SV2C: variants seen among roughly 807,000 people sequenced by gnomAD.
SV2C encodes synaptic vesicle glycoprotein 2C, also known as solute carrier family 22 member B3.
Under a neutral mutation model 79.7 loss-of-function variants are expected in SV2C, and 49 were observed. The ratio of observed to expected loss-of-function variants is 0.61; its 90% CI spans 0.49 to 0.78. SV2C has a LOEUF of 0.78. Among genes scored for constraint, SV2C ranks in the 30% least tolerant of loss-of-function variants. The pLI is 0.00. For missense variants in SV2C, 833 were observed against 912.9 expected, an observed-to-expected ratio of 0.91 and a Z score of 1.13; for synonymous variants, 334 against 333.2, an observed-to-expected ratio of 1.00 and a Z score of -0.03.
chr5:76,298,425 C>A (rs1747849763), intron 9 of SV2C, among the ~76,000 whole-genome samples: 1 of 152,096 alleles, frequency 6.6e-6, no homozygotes, highest in Non-Finnish European at 1.5e-5. Context: ...AGAGAATATT[C>A]AAATAAAGAT....
chr5:75,912,591 A>G, the SV2C span, among the ~76,000 whole-genome samples: 1 of 152,248 alleles, frequency 6.6e-6, no homozygotes, highest in African/African-American at 2.4e-5. Flanking sequence ...TGGAGCAAGT[A>G]TAACTAGTAT....
At chr5:76,114,909 T>C (rs1580276796) in intron 1 of SV2C, among the ~76,000 whole-genome samples, 1 of 152,258 alleles carries the variant, frequency 6.6e-6, no homozygotes, top group East Asian at 1.9e-4. Flanking sequence ...TAAATTCAAG[T>C]AAACTAGCAT....
At chr5:75,867,631 T>G in the SV2C span, among the ~76,000 whole-genome samples, 2 of 152,172 alleles carry the variant, frequency 1.3e-5, no homozygotes. Flanking sequence ...AAAGCATACA[T>G]CTGTTATATT....
chr5:75,877,071 T>G, the SV2C span, among the ~76,000 whole-genome samples: 2 of 151,986 alleles, frequency 1.3e-5, no homozygotes, highest in African/African-American at 4.8e-5. Flanking sequence ...GATCGAAAGA[T>G]ACAATAGATT....
intron 4 of SV2C, among the ~76,000 whole-genome samples, chr5:76,230,068 C>T (rs904504781): frequency 6.6e-6 from 1 of 152,062 alleles, no homozygotes; most frequent in Non-Finnish European, 1.5e-5. Context: ...TGGGTATGCA[C>T]AAGGCAGGGC....
rs1258915422 is a variant in SV2C, at chr5:76,317,444, C to CCCA, written c.2001-7920_2001-7919insCCA. 2.5e-4 allele frequency among the ~76,000 whole-genome samples: 37 copies of CCCA among 150,112 alleles called. 1 individual carries two copies. Among genetic ancestry groups the CCCA allele is most frequent in the African/African-American group, 8.0e-4 (32 of 39,998 alleles). On this transcript the variant is annotated intron_variant, in intron 12 of 12. Transcript: ENST00000502798. ...AGACAAAAAGAACCACCCCCCCCAA[C>CCCA]ACACACACACATACACACACACACT...
chr5:76,272,358 G>A (rs531143954), intron 4 of SV2C, among the ~76,000 whole-genome samples: 8 of 152,290 alleles, frequency 5.3e-5, no homozygotes, highest in African/African-American at 1.9e-4. Context: ...AGCTTTTGTT[G>A]ATCATGAGCA....
At chr5:76,163,742 C>T (rs1197199573) in intron 2 of SV2C, among the ~76,000 whole-genome samples, 3 of 152,230 alleles carry the variant, frequency 2.0e-5, no homozygotes, top group African/African-American at 7.2e-5. Context: ...TATGATGCCC[C>T]ATCATTATAA....
chr5:76,049,007 GAAAGAAAGAAAGAAAGAAAA>G, the SV2C span, among the ~76,000 whole-genome samples: 1 of 88,838 alleles, frequency 1.1e-5, no homozygotes, highest in African/African-American at 3.9e-5. Context: ...AAGAAAGAAA[GAAAGAAAGAAAGAAAGAAAA>G]AGAAAAGAGG....
chr5:76,014,857 C>T, the SV2C span, among the ~76,000 whole-genome samples: 1 of 152,140 alleles, frequency 6.6e-6, no homozygotes, highest in Non-Finnish European at 1.5e-5. Flanking sequence ...GTAGAAATTT[C>T]CTTTTTTAAA....
At chr5:76,167,775 T>G (rs1020842405) in intron 2 of SV2C, among the ~76,000 whole-genome samples, 7 of 152,164 alleles carry the variant, frequency 4.6e-5, no homozygotes, top group Admixed American at 3.3e-4. Context: ...TGAAGAGTCT[T>G]CAGACCCAGG....
chr5:76,294,602 T>C (rs1483001328), intron 8 of SV2C, among the ~76,000 whole-genome samples: 4 of 152,218 alleles, frequency 2.6e-5, no homozygotes, highest in Admixed American at 2.0e-4. Context: ...CATTTCAACA[T>C]ATGATCAGTA....
At chr5:76,030,528 T>C in the SV2C span, among the ~76,000 whole-genome samples, 1 of 152,182 alleles carries the variant, frequency 6.6e-6, no homozygotes, top group African/African-American at 2.4e-5. Flanking sequence ...TAAGTAATGC[T>C]GATTTGCTCT....
At chr5:75,901,756 C>T in the SV2C span, among the ~76,000 whole-genome samples, 13 of 152,316 alleles carry the variant, frequency 8.5e-5, no homozygotes, top group South Asian at 8.3e-4. Flanking sequence ...TGGAGCTTCC[C>T]GGCTCCTTTG....
At chr5:75,863,359 A>G in the SV2C span, among the ~76,000 whole-genome samples, 3 of 152,222 alleles carry the variant, frequency 2.0e-5, no homozygotes, top group Non-Finnish European at 4.4e-5. Flanking sequence ...GATCCATTGT[A>G]CCAAATATCA....
At chr5:76,092,837 A>G (rs997324757) in intron 1 of SV2C, among the ~76,000 whole-genome samples, 4 of 152,056 alleles carry the variant, frequency 2.6e-5, no homozygotes, top group Non-Finnish European at 5.9e-5. Flanking sequence ...CTCAGCTCGA[A>G]GGTCCCTTTT....
chr5:76,100,179 T>C (rs1369281482), intron 1 of SV2C, among the ~76,000 whole-genome samples: 2 of 152,208 alleles, frequency 1.3e-5, no homozygotes, highest in African/African-American at 4.8e-5. Context: ...TGCCTTTGGG[T>C]CAACTGGAGG....
At chr5:76,184,986 G>C (rs1357055353) in intron 2 of SV2C, among the ~76,000 whole-genome samples, 1 of 152,198 alleles carries the variant, frequency 6.6e-6, no homozygotes, top group East Asian at 1.9e-4. Flanking sequence ...TCAAAAGCAA[G>C]TTAGTTACTT....
rs10514058 is a variant in SV2C, at chr5:76,126,861, G to T, written c.-101-4789G>T. Among the ~76,000 whole-genome samples the T allele has an allele frequency of 2.0e-5, 3 of 152,252 alleles. No individual in the cohort carries two copies. In the South Asian group the frequency reaches 6.2e-4, roughly 32 times the overall value. On this transcript the variant is annotated intron_variant, in intron 1 of 12. Transcript: ENST00000502798. The stretch of plus-strand genomic sequence containing the variant: ...CTCTGGAGTAGCATTGCATAGGGTC[G>T]CATTGTTACTGGCCAGGTTTCAGTT...
Sources: allele counts gnomAD v4.1 joint callset (sites outside exome capture counted in the v4.1 genomes callset), GRCh38; gene constraint gnomAD v4.1.1; transcripts MANE v1.5; gene names NCBI Gene and HGNC (gene_info 2026-07-23, HGNC 2026-07-21).